Variants in COL11A1 observed in about 807,000 individuals in gnomAD.
COL11A1 encodes the protein collagen type XI alpha 1 chain.
A neutral mutation model predicts 265.2 loss-of-function variants in COL11A1; 74 were observed. The ratio of observed to expected loss-of-function variants is 0.28; its 90% confidence interval spans 0.23 to 0.34. The LOEUF is 0.34. COL11A1 is among the 10% of genes least tolerant of loss of function. The pLI is 1.00. For missense variants in COL11A1, 2,165 were observed against 2,263.6 expected (o/e 0.96, Z 0.88); for synonymous variants, 816 against 727.6 (o/e 1.12, Z -1.96).
chr1:103,051,266 G>C lies in COL11A1; in HGVS notation c.652-20022C>G, dbSNP rs542505402. On this transcript the variant is annotated intron_variant, in intron 4 of 66. Transcript: ENST00000370096. ...GGTCTCCACCCAGTTTGAGCTTCCTGGCCGCTTTGTTTACCTAATCAAGTC... is the reference window on the plus strand; with the variant it reads ...GGTCTCCACCCAGTTTGAGCTTCCTCGCCGCTTTGTTTACCTAATCAAGTC... 2.0e-5 allele frequency among the ~76,000 whole-genome samples: 3 copies of C among 152,324 alleles called. No individual in the cohort carries two copies. In the South Asian group the frequency reaches 6.2e-4, roughly 32 times the overall value.
At chr1:102,884,914 T>C (rs1442433573) in intron 63 of COL11A1, among the ~76,000 whole-genome samples, 1 of 152,210 alleles carries the variant, frequency 6.6e-6, no homozygotes. Flanking sequence ...TTTGCCACTG[T>C]TAACATAACC....
chr1:103,012,435 A>G lies in COL11A1; in HGVS notation c.1607T>C (p.Leu536Pro). Residue 536 changes from leucine (L) to proline (P), a missense_variant, in exon 14 of 67, where the codon CTA (leucine) becomes CCA (proline). Physicochemically the swap from Leu to Pro is moderately conservative, Grantham distance 98 (BLOSUM62 -3). Transcript: ENST00000370096. ...TACCACAGGACCTGGTCTTCCAGTT[A>G]GACCCATTGGGCCAGGTGGGCCTCT... is the stretch of plus-strand genomic sequence containing the variant. The part of the protein sequence containing the change: ...ALRGPPGPMG[L>P]TGRPGPVGGP... The G allele has an allele frequency of 6.2e-7, 1 of 1,613,600 alleles. No homozygotes were observed. Among genetic ancestry groups the G allele is most frequent in the East Asian group, 2.2e-5 (1 of 44,850 alleles).
At chr1:103,067,106 A>G (rs1571202487) in intron 4 of COL11A1, among the ~76,000 whole-genome samples, 1 of 152,004 alleles carries the variant, frequency 6.6e-6, no homozygotes, top group East Asian at 1.9e-4. Context: ...AACAACTGAT[A>G]GAACAAGTAG....
chr1:102,881,793 G>A, intron 64 of COL11A1, 28 bp from the exon 65 acceptor site: 1 of 1,564,954 alleles, frequency 6.4e-7, no homozygotes, highest in South Asian at 1.1e-5. Flanking sequence ...AAAAGTTAGT[G>A]AGTAGGTGAA....
At chr1:102,903,996 G>A (rs940788121) in intron 54 of COL11A1, among the ~76,000 whole-genome samples, 2 of 152,110 alleles carry the variant, frequency 1.3e-5, no homozygotes, top group African/African-American at 4.8e-5. Flanking sequence ...AGAGTACCTA[G>A]GACTACAGGC....
Position 102,912,139 on chromosome 1 carries a change from AAAG to A in COL11A1, c.4086+17_4086+19del. ...TGACTAATGAGCATATGTTTCAAATAAAGAATTAAAGAAACTTACTCGTTTTCC... is the reference window on the plus strand; with the variant it reads ...TGACTAATGAGCATATGTTTCAAATAAATTAAAGAAACTTACTCGTTTTCC... On this transcript the variant is annotated intron_variant, in intron 54 of 66. Transcript: ENST00000370096. 1 of 1,598,368 alleles carries A rather than the reference AAAG, an allele frequency of 6.3e-7. No individual in the cohort carries two copies. The highest frequency in any genetic ancestry group is 8.5e-7 in the Non-Finnish European group (1 of 1,169,860).
At chr1:102,921,186 A>G (rs1276332724) in intron 48 of COL11A1, among the ~76,000 whole-genome samples, 13 of 152,192 alleles carry the variant, frequency 8.5e-5, no homozygotes, top group African/African-American at 1.2e-4. Context: ...CAAGTGCATA[A>G]GAGTTATCAT....
At position 102,987,655 on chromosome 1, in the gene COL11A1, G is replaced by C; in HGVS notation, c.2480C>G (p.Pro827Arg). The C allele has an allele frequency of 6.2e-7, 1 of 1,613,458 alleles. No individual in the cohort carries two copies. Among genetic ancestry groups the C allele is most frequent in the African/African-American group, 1.3e-5 (1 of 74,962 alleles). The stretch of plus-strand genomic sequence containing the variant: ...AACCTTTTCTCCTGCTTGACCTGAA[G>C]GACCTGGGTCTCCAGTTGGGCCTGC... ...GRAGPTGDPGPSGQAGEKGKL... is the reference protein window; with the variant it reads ...GRAGPTGDPGRSGQAGEKGKL... The change falls in exon 30 of 67, where the codon CCT becomes CGT. Residue 827 changes from proline to arginine, a missense_variant. Pro to Arg is a moderately radical substitution (Grantham distance 103). Coordinates refer to ENST00000370096, the MANE Select transcript of COL11A1 (RefSeq NM_001854.4).
chr1:103,018,926 A>G, intron 9 of COL11A1, 67 bp from the exon 10 acceptor site: 2 of 1,177,724 alleles, frequency 1.7e-6, no homozygotes, highest in Admixed American at 1.8e-5. Flanking sequence ...TTACATGAAT[A>G]TAAGAGAACA....
intron 3 of COL11A1, among the ~76,000 whole-genome samples, chr1:103,078,211 G>C (rs946844915): frequency 6.6e-6 from 1 of 151,924 alleles, no homozygotes; most frequent in African/African-American, 2.4e-5. Flanking sequence ...TGCCATGCTG[G>C]TATCCTTGAT....
In COL11A1 at chr1:102,914,415, C is replaced by A. The variant is rs773007335; in HGVS notation, c.3925-10G>T. 33 of 1,599,730 alleles carry A rather than the reference C, an allele frequency of 2.1e-5. No individual in the cohort carries two copies. The East Asian group carries it at 6.3e-4, about 30-fold the overall frequency. On this transcript the variant is annotated splice_polypyrimidine_tract_variant and intron_variant, in intron 51 of 66. Transcript: ENST00000370096. ...GAAAACCAACAGGACCCTAGAATGACGTTTTGAAAGAAAAAGAAATAAATG... is the reference window on the plus strand; with the variant it reads ...GAAAACCAACAGGACCCTAGAATGAAGTTTTGAAAGAAAAAGAAATAAATG...
Position 102,886,949 on chromosome 1 carries a change from G to A in COL11A1, c.4716C>T (p.Tyr1572=), listed in dbSNP as rs751798653. ...QADADDNILD[Y]SDGMEEIFGS... The stretch of plus-strand genomic sequence containing the variant: ...CAAATATTTCTTCCATTCCATCCGA[G>A]TAATCAAGAATATTATCATCTGCAT... The change falls in exon 63 of 67, where the codon TAC becomes TAT. Residue 1572 remains tyrosine, a synonymous_variant. Coordinates refer to ENST00000370096, the MANE Select transcript of COL11A1 (RefSeq NM_001854.4). The A allele has an allele frequency of 1.2e-6, 2 of 1,613,856 alleles. No homozygotes were observed. The highest frequency in any genetic ancestry group is 8.5e-7 in the Non-Finnish European group (1 of 1,179,868).
rs11381607 is a variant in COL11A1 at position 103,022,013 on chromosome 1, A to ATTTT, written c.1246-248_1246-245dup. On this transcript the variant is annotated intron_variant, in intron 8 of 66. Transcript: ENST00000370096. The stretch of plus-strand genomic sequence containing the variant: ...AGGCGCCCGCCACCACACCTAGCTA[A>ATTTT]TTTTTTTTTTTTTTGTATTTTTAGT... Among the ~76,000 whole-genome samples, 2,309 of 139,528 alleles carry ATTTT rather than the reference A, an allele frequency of 0.017. 25 individuals carry two copies. Among genetic ancestry groups the ATTTT allele is most frequent in the Middle Eastern group, 0.044 (12 of 274 alleles). The allele number at this position is 139,528 out of a possible 152,430, so 91.5% of individuals were successfully genotyped here. A position where few individuals can be genotyped will look rare whatever the true frequency, so the allele number is the denominator to read the frequency against.
Position 103,012,418 on chromosome 1 carries a change from G to A in COL11A1, c.1624C>T (p.Pro542Ser), listed in dbSNP as rs745841296. The A allele has an allele frequency of 2.2e-5, 35 of 1,612,640 alleles. No individual in the cohort carries two copies. In the Admixed American group the frequency reaches 5.5e-4, roughly 25 times the overall value. Residue 542 changes from proline (P) to serine (S), a missense_variant, in exon 14 of 67, where the codon CCT (proline) becomes TCT (serine). By Grantham distance (74) the Pro-to-Ser change is moderately conservative. Coordinates refer to ENST00000370096, the MANE Select transcript of COL11A1 (RefSeq NM_001854.4). Reference protein sequence around the residue: ...GPMGLTGRPGPVGGPGSSGAK... With the variant: ...GPMGLTGRPGSVGGPGSSGAK... Reference sequence around the variant, plus strand: ...TCTTTGTTGGGGTAACCTACCACAGGACCTGGTCTTCCAGTTAGACCCATT... The same window carrying A: ...TCTTTGTTGGGGTAACCTACCACAGAACCTGGTCTTCCAGTTAGACCCATT...
In COL11A1 at chr1:102,938,888, T is replaced by C. The variant is rs1658424662; in HGVS notation, c.3438+147A>G. The C allele has an allele frequency of 7.5e-6, 5 of 669,482 alleles. 1 individual carries two copies. In the South Asian group the frequency reaches 8.8e-5, roughly 12 times the overall value. 41.5% of individuals were successfully genotyped at this position (669,482 alleles called of 1,614,324 possible). A position where few individuals can be genotyped will look rare whatever the true frequency, so the allele number is the denominator to read the frequency against. On this transcript the variant is annotated intron_variant, in intron 44 of 66. Transcript: ENST00000370096. The stretch of plus-strand genomic sequence containing the variant: ...AAAACTTCACAAATATATAAAATTA[T>C]AGAATGATATAACTGCAGAGGTAAT...
Position 103,074,772 on chromosome 1 carries a change from C to T in COL11A1, c.497G>A (p.Arg166Gln), listed in dbSNP as rs142753283. The change falls in exon 4 of 67, where the codon CGG (arginine) becomes CAG (glutamine). Residue 166 changes from arginine (R) to glutamine (Q), a missense_variant. By Grantham distance (43) the Arg-to-Gln change is conservative. Coordinates refer to ENST00000370096, the MANE Select transcript of COL11A1 (RefSeq NM_001854.4). ...TVNIADGKWHRVAISVEKKTV... is the reference protein window; with the variant it reads ...TVNIADGKWHQVAISVEKKTV... ...TTTCTTCTCCACGCTGATTGCTACC[C>T]GATGCCACCTAAAAAAGACAAGTAA... 1.2e-5 allele frequency: 20 copies of T among 1,612,938 alleles called. No individual in the cohort carries two copies. Among genetic ancestry groups the T allele is most frequent in the South Asian group, 3.3e-5 (3 of 91,072 alleles).
At chr1:103,091,414 C>T (rs1673311280) in intron 1 of COL11A1, among the ~76,000 whole-genome samples, 1 of 152,108 alleles carries the variant, frequency 6.6e-6, no homozygotes, top group Middle Eastern at 3.4e-3. Flanking sequence ...ACATAAACTT[C>T]CTACCCTCAA....
chr1:102,887,842 G>A (rs1651198097), intron 62 of COL11A1, among the ~76,000 whole-genome samples: 1 of 152,176 alleles, frequency 6.6e-6, no homozygotes, highest in African/African-American at 2.4e-5. Context: ...GGAAGATAAT[G>A]TGAAGAGACA....
intron 4 of COL11A1, among the ~76,000 whole-genome samples, chr1:103,046,556 G>A (rs1669288934): frequency 6.6e-6 from 1 of 150,990 alleles, no homozygotes; most frequent in Non-Finnish European, 1.5e-5. Flanking sequence ...TCTGTAGGTT[G>A]CCTGTTCACT....
Sources: gnomAD v4.1 joint callset for allele counts (sites outside exome capture counted in the v4.1 genomes callset) on GRCh38, gnomAD v4.1.1 for gene constraint, MANE v1.5 for transcripts, NCBI Gene and HGNC (gene_info 2026-07-23, HGNC 2026-07-21) for gene names.